The following CSMD1 variants were observed in gnomAD, a reference collection of about 807,000 sequenced individuals.
The protein encoded by CSMD1 is CUB and sushi domain-containing protein 1.
A neutral mutation model predicts 417.5 loss-of-function variants in CSMD1; 213 were observed. That is an observed-to-expected ratio of 0.51 (90% CI 0.46 to 0.57). The LOEUF (loss-of-function observed/expected upper bound fraction) is 0.57. Ranked by LOEUF, CSMD1 falls within the 20% of genes least tolerant of loss-of-function variation. The probability of loss-of-function intolerance (pLI) is 0.00; values close to 1 mark genes in which losing one functional copy is unlikely to be tolerated. For missense variants in CSMD1, 6,923 were observed against 4,529.7 expected, an observed-to-expected ratio of 1.53 and a Z score of -15.17; for synonymous variants, 2,862 against 1,736.8, an observed-to-expected ratio of 1.65 and a Z score of -16.11.
At chr8:3,884,317 G>A (rs1563176143) in intron 5 of CSMD1, among the ~76,000 whole-genome samples, 2 of 152,120 alleles carry the variant, frequency 1.3e-5, no homozygotes, top group Non-Finnish European at 2.9e-5. Flanking sequence ...CATTATATGT[G>A]CAATATACAA....
At chr8:3,001,467 C>T (rs1807400176) in intron 52 of CSMD1, among the ~76,000 whole-genome samples, 1 of 152,048 alleles carries the variant, frequency 6.6e-6, no homozygotes, top group African/African-American at 2.4e-5. Flanking sequence ...ATGAATTGGA[C>T]CTGTGTTACA....
intron 4 of CSMD1, among the ~76,000 whole-genome samples, chr8:4,003,759 T>G (rs901762618): frequency 6.6e-6 from 1 of 152,194 alleles, no homozygotes; most frequent in Non-Finnish European, 1.5e-5. Flanking sequence ...AGGGCTCATA[T>G]ACGCCGGCAA....
rs1563561237 is a variant in CSMD1, at chr8:4,841,929, A to AAAAAAAAACAAAAAACAAAAC, written c.85+152402_85+152403insGTTTTGTTTTTTGTTTTTTTT. On this transcript the variant is annotated intron_variant, in intron 1 of 69. Coordinates refer to ENST00000635120, the MANE Select transcript of CSMD1 (RefSeq NM_033225.6). The stretch of plus-strand genomic sequence containing the variant: ...TCCGTCTCAAAAAAAAAAAAAAAAA[A>AAAAAAAAACAAAAAACAAAAC]AAAAAAAAAGTTCAGAACAATGGAT... Among the ~76,000 whole-genome samples, 134 of 144,448 alleles carry AAAAAAAAACAAAAAACAAAAC rather than the reference A, an allele frequency of 9.3e-4. 8 individuals are homozygous for AAAAAAAAACAAAAAACAAAAC. Among genetic ancestry groups the AAAAAAAAACAAAAAACAAAAC allele is most frequent in the African/African-American group, 3.4e-3 (132 of 38,516 alleles). The allele number at this position is 144,448 out of a possible 152,430, so 94.8% of individuals were successfully genotyped here. A position where few individuals can be genotyped will look rare whatever the true frequency, so the allele number is the denominator to read the frequency against.
intron 1 of CSMD1, among the ~76,000 whole-genome samples, chr8:4,951,437 GA>G (rs2079169198): frequency 6.9e-6 from 1 of 145,302 alleles, no homozygotes; most frequent in South Asian, 2.2e-4. Context: ...GAAAAAGAAA[GA>G]AAGAGGGAAG....
intron 1 of CSMD1, among the ~76,000 whole-genome samples, chr8:4,966,169 G>C (rs1251244833): frequency 3.6e-5 from 5 of 140,652 alleles, no homozygotes; most frequent in Non-Finnish European, 6.0e-5. Flanking sequence ...TTCCAGACCA[G>C]CTTGGCTAAC....
chr8:3,785,335 C>A (rs1256491121), intron 5 of CSMD1, among the ~76,000 whole-genome samples: 1 of 152,070 alleles, frequency 6.6e-6, no homozygotes, highest in Non-Finnish European at 1.5e-5. Context: ...ATGCCCCGGG[C>A]AAGGCCTCAG....
chr8:3,234,825 G>C (rs536799468), intron 26 of CSMD1, among the ~76,000 whole-genome samples: 1 of 152,182 alleles, frequency 6.6e-6, no homozygotes, highest in Non-Finnish European at 1.5e-5. Context: ...TACCAAAGGG[G>C]TACCCTTCCT....
chr8:4,922,844 G>A lies in CSMD1; in HGVS notation c.85+71488C>T, dbSNP rs549467111. Among the ~76,000 whole-genome samples, 45 of 152,286 alleles carry A rather than the reference G, an allele frequency of 3.0e-4. No individual in the cohort carries two copies. The South Asian group carries it at 7.5e-3, about 25-fold the overall frequency. The stretch of plus-strand genomic sequence containing the variant: ...ATGACTTGAGGAATTCCTTTACCAA[G>A]TTTTTCCTAGTGCTAAAGTTTTAAC... On this transcript the variant is annotated intron_variant, in intron 1 of 69. Transcript: ENST00000635120.
chr8:4,101,955 A>C (rs1338016300), intron 3 of CSMD1, among the ~76,000 whole-genome samples: 3 of 152,178 alleles, frequency 2.0e-5, no homozygotes, highest in Non-Finnish European at 4.4e-5. Context: ...CTAATAGAGA[A>C]AGGAGGACTC....
At chr8:3,845,051 T>A (rs73172276) in intron 5 of CSMD1, among the ~76,000 whole-genome samples, 1 of 152,224 alleles carries the variant, frequency 6.6e-6, no homozygotes, top group Non-Finnish European at 1.5e-5. Flanking sequence ...AAAGGTCTCC[T>A]GTGATTAGAC....
chr8:4,079,554 A>G (rs1440419710), intron 3 of CSMD1, among the ~76,000 whole-genome samples: 1 of 152,232 alleles, frequency 6.6e-6, no homozygotes, highest in Non-Finnish European at 1.5e-5. Flanking sequence ...GAAGATATTT[A>G]TTGATGTACT....
chr8:3,719,166 T>C (rs1374826213), intron 6 of CSMD1, among the ~76,000 whole-genome samples: 2 of 152,172 alleles, frequency 1.3e-5, no homozygotes, highest in African/African-American at 4.8e-5. Context: ...CTTCGTTGCA[T>C]TAAAGTCTTT....
At chr8:3,795,095 A>G in intron 5 of CSMD1, among the ~76,000 whole-genome samples, 1 of 129,010 alleles carries the variant, frequency 7.8e-6, no homozygotes, top group African/African-American at 3.0e-5. Context: ...ATAGATATAT[A>G]TCTATCATGT....
rs996064654 is a variant in CSMD1 at position 4,380,273 on chromosome 8, G to A, written c.415+39680C>T. On this transcript the variant is annotated intron_variant, in intron 3 of 69. Transcript: ENST00000635120. ...ACAAGCCTGACAAACACCTCTGCCA[G>A]GTGACTAAGGTCAGCATCTGCAGTG... 2.6e-5 allele frequency among the ~76,000 whole-genome samples: 4 copies of A among 152,102 alleles called. No individual in the cohort carries two copies. The East Asian group carries it at 5.8e-4, about 22-fold the overall frequency.
chr8:4,559,491 C>A (rs1050313754), intron 2 of CSMD1, among the ~76,000 whole-genome samples: 1 of 152,060 alleles, frequency 6.6e-6, no homozygotes, highest in Non-Finnish European at 1.5e-5. Flanking sequence ...AGATAAAATT[C>A]CTTTAGAAAG....
intron 7 of CSMD1, among the ~76,000 whole-genome samples, chr8:3,640,533 G>C (rs931772414): frequency 6.6e-6 from 1 of 152,164 alleles, no homozygotes; most frequent in Admixed American, 6.5e-5. Context: ...AAATGTGGAA[G>C]CATAAACTCA....
At chr8:4,620,697 T>C (rs1256310321) in intron 2 of CSMD1, among the ~76,000 whole-genome samples, 2 of 151,738 alleles carry the variant, frequency 1.3e-5, no homozygotes, top group Non-Finnish European at 2.9e-5. Flanking sequence ...AGTTAGAAAA[T>C]ATTTTAAACT....
At chr8:3,859,985 T>G (rs917715947) in intron 5 of CSMD1, among the ~76,000 whole-genome samples, 1 of 152,170 alleles carries the variant, frequency 6.6e-6, no homozygotes, top group Non-Finnish European at 1.5e-5. Flanking sequence ...CTGAGGGTGG[T>G]TTTGGGAAAC....
chr8:3,346,598 C>G (rs1012808067), intron 22 of CSMD1, among the ~76,000 whole-genome samples: 2 of 152,172 alleles, frequency 1.3e-5, no homozygotes, highest in South Asian at 2.1e-4. Context: ...TACAGGCAAA[C>G]GCGGCCTTAG....
Sources: gnomAD v4.1 joint callset for allele counts (sites outside exome capture counted in the v4.1 genomes callset) on GRCh38, gnomAD v4.1.1 for gene constraint, MANE v1.5 for transcripts, NCBI Gene and HGNC (gene_info 2026-07-23, HGNC 2026-07-21) for gene names.